Variants in RBMS3 observed in about 807,000 individuals in gnomAD.
The protein encoded by RBMS3 is RNA binding motif single stranded interacting protein 3, also known as RNA-binding motif, single-stranded-interacting protein 3.
Under a neutral mutation model 66.8 loss-of-function variants are expected in RBMS3, and 27 were observed. The observed-to-expected ratio is 0.40, with a 90% CI of 0.30 to 0.56. RBMS3 has a LOEUF of 0.56. RBMS3 is among the 20% of genes least tolerant of loss of function. The pLI, the probability that RBMS3 is intolerant of heterozygous loss-of-function variation, is 0.40. For synonymous variants in RBMS3, 188 were observed against 183.0 expected, an observed-to-expected ratio of 1.03 and a Z score of -0.22; for missense variants, 513 against 549.5, an observed-to-expected ratio of 0.93 and a Z score of 0.66.
chr3:29,733,557 A>C (rs1360254443), intron 4 of RBMS3, among the ~76,000 whole-genome samples: 1 of 151,988 alleles, frequency 6.6e-6, no homozygotes, highest in Non-Finnish European at 1.5e-5. Context: ...GATAATAGGC[A>C]TTCTAATAGG....
intron 7 of RBMS3, among the ~76,000 whole-genome samples, chr3:29,883,192 A>G (rs1237791663): frequency 6.6e-6 from 1 of 152,094 alleles, no homozygotes; most frequent in Non-Finnish European, 1.5e-5. Context: ...GGCCACAGAG[A>G]AACTTTCCCC....
At chr3:29,951,872 C>T (rs148609242) in intron 12 of RBMS3, among the ~76,000 whole-genome samples, 1 of 151,138 alleles carries the variant, frequency 6.6e-6, no homozygotes, top group African/African-American at 2.4e-5. Flanking sequence ...GAAAAGATGA[C>T]AAAAGTGAAC....
At chr3:29,685,104 G>A (rs2051661326) in intron 4 of RBMS3, among the ~76,000 whole-genome samples, 1 of 152,092 alleles carries the variant, frequency 6.6e-6, no homozygotes, top group African/African-American at 2.4e-5. Flanking sequence ...TGTCACCCAG[G>A]CGGGAGTGCA....
At chr3:29,495,816 G>A (rs1416416306) in intron 3 of RBMS3, among the ~76,000 whole-genome samples, 2 of 152,062 alleles carry the variant, frequency 1.3e-5, no homozygotes, top group Non-Finnish European at 2.9e-5. Flanking sequence ...AGGACATGAG[G>A]TATCCTTTAC....
chr3:29,954,535 G>A (rs531996567), intron 12 of RBMS3, among the ~76,000 whole-genome samples: 1 of 152,086 alleles, frequency 6.6e-6, no homozygotes, highest in Admixed American at 6.6e-5. Flanking sequence ...TCTCTTTGGG[G>A]TGAGAACCAT....
intron 5 of RBMS3, among the ~76,000 whole-genome samples, chr3:29,753,962 CT>C (rs1162238613): frequency 0.037 from 5,351 of 145,262 alleles, 91 homozygotes; most frequent in Admixed American, 0.069. Flanking sequence ...TTGAAAAACT[CT>C]TTTTTTTTTT....
intron 2 of RBMS3, among the ~76,000 whole-genome samples, chr3:29,467,060 T>C (rs1458992909): frequency 6.6e-6 from 1 of 152,208 alleles, no homozygotes; most frequent in East Asian, 1.9e-4. Context: ...TGAAAATGTA[T>C]AATTTAATTT....
In RBMS3 at chr3:29,518,488, A is replaced by C. The variant is rs558241595; in HGVS notation, c.307+29989A>C. Among the ~76,000 whole-genome samples, 32 of 152,330 alleles carry C rather than the reference A, an allele frequency of 2.1e-4. No homozygotes were observed. In the East Asian group the frequency reaches 4.2e-3, roughly 20 times the overall value. On this transcript the variant is annotated intron_variant, in intron 3 of 14. Transcript: ENST00000383767. ...TTATTGTTAATAAATGTGCATGGCT[A>C]TCTCCTGATCTATTGTATAGTAAAA...
intron 1 of RBMS3, among the ~76,000 whole-genome samples, chr3:29,284,329 C>G (rs986023720): frequency 6.6e-6 from 1 of 151,966 alleles, no homozygotes; most frequent in African/African-American, 2.4e-5. Context: ...GGTTTTCTTC[C>G]TGCCAATCCA....
At chr3:29,303,689 C>T (rs142133169) in intron 1 of RBMS3, among the ~76,000 whole-genome samples, 15 of 151,932 alleles carry the variant, frequency 9.9e-5, no homozygotes, top group African/African-American at 2.2e-4. Context: ...GTGTACTTAC[C>T]GCAATAACAG....
intron 6 of RBMS3, among the ~76,000 whole-genome samples, chr3:29,796,912 C>A (rs575474723): frequency 6.6e-6 from 1 of 151,990 alleles, no homozygotes; most frequent in East Asian, 1.9e-4. Flanking sequence ...TGAGGTTTCA[C>A]CATGTTGACC....
At chr3:29,805,218 T>C (rs1006279884) in intron 6 of RBMS3, among the ~76,000 whole-genome samples, 3 of 152,042 alleles carry the variant, frequency 2.0e-5, no homozygotes, top group Non-Finnish European at 4.4e-5. Context: ...CCTAGCACAA[T>C]GCTCTGCTTA....
chr3:29,861,392 G>T (rs1313488170), intron 6 of RBMS3, among the ~76,000 whole-genome samples: 2 of 152,040 alleles, frequency 1.3e-5, no homozygotes, highest in Non-Finnish European at 2.9e-5. Flanking sequence ...AAGAGTTAAA[G>T]TACCAGACCA....
intron 4 of RBMS3, among the ~76,000 whole-genome samples, chr3:29,646,024 A>T (rs1282490649): frequency 6.6e-6 from 1 of 152,242 alleles, no homozygotes; most frequent in Non-Finnish European, 1.5e-5. Context: ...TTATATTGGT[A>T]ACATACAAGC....
chr3:29,915,701 A>C (rs908160726), intron 10 of RBMS3, among the ~76,000 whole-genome samples: 3 of 151,952 alleles, frequency 2.0e-5, no homozygotes, highest in African/African-American at 7.2e-5. Flanking sequence ...TTTTAGTGGA[A>C]TATTACCTGT....
intron 4 of RBMS3, among the ~76,000 whole-genome samples, chr3:29,690,883 T>G (rs2051973644): frequency 6.6e-6 from 1 of 152,206 alleles, no homozygotes; most frequent in Non-Finnish European, 1.5e-5. Flanking sequence ...TTGTATCAGT[T>G]TAACTCATGG....
chr3:29,574,621 G>A (rs970159309), intron 3 of RBMS3, among the ~76,000 whole-genome samples: 2 of 151,934 alleles, frequency 1.3e-5, no homozygotes, highest in Non-Finnish European at 2.9e-5. Context: ...TGGTTGTTTT[G>A]TAGTCTTCTC....
At chr3:29,844,139 C>A (rs1341762573) in intron 6 of RBMS3, among the ~76,000 whole-genome samples, 1 of 152,048 alleles carries the variant, frequency 6.6e-6, no homozygotes, top group African/African-American at 2.4e-5. Context: ...TGGAAGAGTG[C>A]AAATAGATGT....
chr3:29,985,505 G>T (rs1405533278), intron 12 of RBMS3, among the ~76,000 whole-genome samples: 1 of 152,088 alleles, frequency 6.6e-6, no homozygotes, highest in East Asian at 1.9e-4. Flanking sequence ...CTCCTGTTTT[G>T]CCAGTTGTGA....
Sources: allele counts gnomAD v4.1 joint callset (sites outside exome capture counted in the v4.1 genomes callset), GRCh38; gene constraint gnomAD v4.1.1; transcripts MANE v1.5; gene names NCBI Gene and HGNC (gene_info 2026-07-23, HGNC 2026-07-21).